DNAH6: variants seen among roughly 807,000 people sequenced by gnomAD.
DNAH6 encodes axonemal beta dynein heavy chain 6.
Under a neutral mutation model 491.4 loss-of-function variants are expected in DNAH6, and 340 were observed. The observed-to-expected ratio is 0.69, with a 90% CI of 0.63 to 0.76. The LOEUF (loss-of-function observed/expected upper bound fraction) is 0.76. DNAH6 is among the 30% of genes least tolerant of loss of function. The probability of loss-of-function intolerance (pLI) is 0.00; values close to 1 mark genes in which losing one functional copy is unlikely to be tolerated. For missense variants in DNAH6, 4,443 were observed against 4,972.2 expected (o/e 0.89, Z 3.20); for synonymous variants, 1,603 against 1,686.1 (o/e 0.95, Z 1.21).
At chr2:84,579,984 T>G (rs1682849252) in intron 14 of DNAH6, among the ~76,000 whole-genome samples, 2 of 152,190 alleles carry the variant, frequency 1.3e-5, no homozygotes, top group Non-Finnish European at 2.9e-5. Context: ...CAAAACAGGA[T>G]GTGTGATCCG....
rs1037532251 is a variant in DNAH6, at chr2:84,706,203, G to T, written c.8727+456G>T. Among the ~76,000 whole-genome samples the T allele has an allele frequency of 1.0e-3, 152 of 152,284 alleles. 1 individual carries two copies. The highest frequency in any genetic ancestry group is 3.5e-3 in the African/African-American group (147 of 41,570). ...AAAGAACTGTGGCTATAGAGCAGGGGTTGGCAAACTTTTTCCATGAAGACC... is the reference window on the plus strand; with the variant it reads ...AAAGAACTGTGGCTATAGAGCAGGGTTTGGCAAACTTTTTCCATGAAGACC... On this transcript the variant is annotated intron_variant, in intron 52 of 76. Coordinates refer to ENST00000389394, the MANE Select transcript of DNAH6 (RefSeq NM_001370.2).
chr2:84,558,730 A>C (rs1243306883), intron 11 of DNAH6, among the ~76,000 whole-genome samples: 8 of 152,166 alleles, frequency 5.3e-5, no homozygotes, highest in Admixed American at 5.2e-4. Flanking sequence ...CTACACATAA[A>C]ATTTTTATCT....
At position 84,811,555 on chromosome 2, in the gene DNAH6, C is replaced by T. The variant is rs187462599; in HGVS notation, c.11740-786C>T. On this transcript the variant is annotated intron_variant, in intron 72 of 76. Coordinates refer to ENST00000389394, the MANE Select transcript of DNAH6 (RefSeq NM_001370.2). Reference sequence around the variant, plus strand: ...CTCTGATGCCAGCTGGAAGATTAGTCTCATCTAAGACTCTCCCCTTTCCAG... The same window carrying T: ...CTCTGATGCCAGCTGGAAGATTAGTTTCATCTAAGACTCTCCCCTTTCCAG... 3.9e-5 allele frequency among the ~76,000 whole-genome samples: 6 copies of T among 152,204 alleles called. No individual in the cohort carries two copies. In the East Asian group the frequency reaches 1.2e-3, roughly 29 times the overall value.
rs1395176792 is a variant in DNAH6 at position 84,763,197 on chromosome 2, T to TTATTGAAA, written c.10703+254_10703+261dup. ...AAAGTTTAATAATCTAGTGGAATAA[T>TTATTGAAA]TATTGAAATTTGTTTGGTATTTAAG... is the stretch of plus-strand genomic sequence containing the variant. On this transcript the variant is annotated intron_variant, in intron 64 of 76. Coordinates refer to ENST00000389394, the MANE Select transcript of DNAH6 (RefSeq NM_001370.2). 2.2e-4 allele frequency among the ~76,000 whole-genome samples: 34 copies of TTATTGAAA among 152,188 alleles called. 1 individual carries two copies. The highest frequency in any genetic ancestry group is 6.5e-5 in the Admixed American group (1 of 15,274).
At chr2:84,464,298 A>G in the DNAH6 span, among the ~76,000 whole-genome samples, 1 of 152,202 alleles carries the variant, frequency 6.6e-6, no homozygotes, top group Non-Finnish European at 1.5e-5. Context: ...TCGCCAAAAC[A>G]TACCATTTAG....
chr2:84,663,971 C>A (rs1184475533), intron 37 of DNAH6, among the ~76,000 whole-genome samples: 1 of 152,116 alleles, frequency 6.6e-6, no homozygotes, highest in Admixed American at 6.6e-5. Flanking sequence ...CAATTTTCAA[C>A]CCAGAATTTC....
chr2:84,547,655 T>C, intron 7 of DNAH6, 43 bp downstream of exon 7: 3 of 1,524,232 alleles, frequency 2.0e-6, no homozygotes, highest in Non-Finnish European at 1.8e-6. Context: ...AGTGGTGGCT[T>C]TCTAAAATTT....
intron 41 of DNAH6, 136 bp from the exon 42 acceptor site, chr2:84,681,221 G>A (rs898438963): frequency 5.6e-6 from 4 of 707,974 alleles, no homozygotes; most frequent in African/African-American, 5.4e-5. Context: ...ATGAGCAGAA[G>A]AGCTTTGATA....
At position 84,662,754 on chromosome 2, in the gene DNAH6, G is replaced by A. The variant is rs58441691; in HGVS notation, c.6084+3585G>A. Among the ~76,000 whole-genome samples the A allele has an allele frequency of 4.7e-3, 719 of 152,320 alleles. 5 individuals are homozygous for A. Among genetic ancestry groups the A allele is most frequent in the African/African-American group, 0.016 (656 of 41,570 alleles). On this transcript the variant is annotated intron_variant, in intron 37 of 76. Coordinates refer to ENST00000389394, the MANE Select transcript of DNAH6 (RefSeq NM_001370.2). ...CTGTCTGACAGCTTTGAAGAGAGTA[G>A]TGGTTCTCCCAGCATGGAGTTTTGA...
rs752280877 is a variant in DNAH6 at position 84,550,056 on chromosome 2, A to G, written c.1484A>G (p.Lys495Arg). Reference sequence around the variant, plus strand: ...GAGAAGCCTGAAGTCCCTGATAAAAAGGTATACTCACACAAAATTAAGAAT... The same window carrying G: ...GAGAAGCCTGAAGTCCCTGATAAAAGGGTATACTCACACAAAATTAAGAAT... ...TEEKPEVPDK[K>R]GTLMVEKQEE... The change falls in exon 9 of 77, where the codon AAG becomes AGG. Residue 495 changes from lysine (K) to arginine (R), a missense_variant and splice_region_variant. Coordinates refer to ENST00000389394, the MANE Select transcript of DNAH6 (RefSeq NM_001370.2). 1 of 1,609,034 alleles carries G rather than the reference A, an allele frequency of 6.2e-7. No individual in the cohort carries two copies. Among genetic ancestry groups the G allele is most frequent in the South Asian group, 1.1e-5 (1 of 90,370 alleles).
Position 84,557,900 on chromosome 2 carries a change from G to T in DNAH6, c.1768G>T (p.Asp590Tyr). 1 of 1,611,120 alleles carries T rather than the reference G, an allele frequency of 6.2e-7. No homozygotes were observed. Among genetic ancestry groups the T allele is most frequent in the Non-Finnish European group, 8.5e-7 (1 of 1,178,402 alleles). ...GPSLAAVFED[D>Y]KNFHTIISQI... ...AAGTTTAGCAGCAGTATTTGAGGAT[G>T]ATAAGAATTTTCACACAATTATTTC... The change falls in exon 11 of 77, where the codon GAT becomes TAT. Residue 590 changes from aspartate (D) to tyrosine (Y), a missense_variant. Coordinates refer to ENST00000389394, the MANE Select transcript of DNAH6 (RefSeq NM_001370.2).
intron 64 of DNAH6, among the ~76,000 whole-genome samples, chr2:84,769,145 T>A (rs558500430): frequency 6.6e-6 from 1 of 152,350 alleles, no homozygotes; most frequent in Admixed American, 6.5e-5. Context: ...GTGGAGCTGC[T>A]GACCCTGTAA....
chr2:84,601,743 T>C (rs952273256), intron 18 of DNAH6, among the ~76,000 whole-genome samples: 1 of 152,014 alleles, frequency 6.6e-6, no homozygotes. Context: ...GAATCTACCA[T>C]CTTGCTAGCT....
intron 37 of DNAH6, among the ~76,000 whole-genome samples, chr2:84,660,052 G>A (rs1315737466): frequency 6.6e-6 from 1 of 152,046 alleles, no homozygotes; most frequent in Non-Finnish European, 1.5e-5. Flanking sequence ...TCCATGTGCT[G>A]AAAAGAACTA....
intron 11 of DNAH6, among the ~76,000 whole-genome samples, chr2:84,569,285 A>G (rs1011879370): frequency 6.6e-6 from 1 of 152,148 alleles, no homozygotes; most frequent in African/African-American, 2.4e-5. Flanking sequence ...ACAAAAGAAT[A>G]TCTATAGTAT....
At chr2:84,785,871 C>A in intron 67 of DNAH6, 115 bp downstream of exon 67, 2 of 1,119,590 alleles carry the variant, frequency 1.8e-6, no homozygotes, top group Non-Finnish European at 1.2e-6. Context: ...AGGCCCCATT[C>A]TGTGTCTGAA....
At chr2:84,583,821 T>A (rs1683279537) in intron 14 of DNAH6, among the ~76,000 whole-genome samples, 178 bp from the exon 15 acceptor site, 1 of 152,232 alleles carries the variant, frequency 6.6e-6, no homozygotes, top group African/African-American at 2.4e-5. Context: ...TGTGGAACTG[T>A]GAGTCCATTA....
At chr2:84,693,745 A>G (rs1488926043) in intron 45 of DNAH6, among the ~76,000 whole-genome samples, 1 of 152,028 alleles carries the variant, frequency 6.6e-6, no homozygotes, top group Non-Finnish European at 1.5e-5. Context: ...CAAAAAAAAA[A>G]AAAAAATTCC....
chr2:84,657,034 T>G (rs1350990379), intron 35 of DNAH6, among the ~76,000 whole-genome samples: 1 of 152,090 alleles, frequency 6.6e-6, no homozygotes, highest in Admixed American at 6.6e-5. Context: ...TGTCTAGATT[T>G]GTTTTTTTGC....
Sources: allele counts gnomAD v4.1 joint callset (sites outside exome capture counted in the v4.1 genomes callset), GRCh38; gene constraint gnomAD v4.1.1; transcripts MANE v1.5; gene names NCBI Gene and HGNC (gene_info 2026-07-23, HGNC 2026-07-21).